Variants in TPTE observed in about 807,000 individuals in gnomAD.
TPTE encodes the protein putative tyrosine-protein phosphatase TPTE.
TPTE carries 59 observed loss-of-function variants against 84.1 expected under a neutral mutation model. That is an observed-to-expected ratio of 0.70 (90% CI 0.57 to 0.87). TPTE has a LOEUF of 0.87. Ranked by LOEUF, TPTE falls within the 40% of genes least tolerant of loss-of-function variation. TPTE has a pLI of 0.00. For synonymous variants in TPTE, 130 were observed against 223.5 expected, an observed-to-expected ratio of 0.58 and a Z score of 3.73; for missense variants, 382 against 659.6, an observed-to-expected ratio of 0.58 and a Z score of 4.61.
intron 14 of TPTE, among the ~76,000 whole-genome samples, chr21:10,570,951 AC>A (rs1235034099): frequency 1.3e-5 from 2 of 152,296 alleles, no homozygotes; most frequent in East Asian, 1.9e-4. Flanking sequence ...TGCTAAATGC[AC>A]CCCCCAAGGC....
intron 10 of TPTE, among the ~76,000 whole-genome samples, chr21:10,565,889 C>A (rs925707186): frequency 6.6e-6 from 1 of 152,306 alleles, no homozygotes; most frequent in Admixed American, 6.5e-5. Context: ...TCTAAGACCT[C>A]AATGAAACAA....
At chr21:10,525,153 C>T (rs1189008762) in intron 2 of TPTE, among the ~76,000 whole-genome samples, 7 of 152,308 alleles carry the variant, frequency 4.6e-5, no homozygotes, top group Non-Finnish European at 8.8e-5. Flanking sequence ...TCAATTAACA[C>T]CTGAAACATT....
At chr21:10,605,333 C>T in intron 23 of TPTE, 84 bp from the exon 24 acceptor site, 16 of 1,510,546 alleles carry the variant, frequency 1.1e-5, no homozygotes, top group Middle Eastern at 1.9e-4. Flanking sequence ...TTTTTTGTTT[C>T]TTCCAGCTCT....
chr21:10,560,110 C>T (rs1459859969), intron 9 of TPTE, among the ~76,000 whole-genome samples: 2 of 152,304 alleles, frequency 1.3e-5, no homozygotes, highest in Non-Finnish European at 2.9e-5. Flanking sequence ...TGGCTTTTGC[C>T]TAAGATTAAT....
At chr21:10,603,765 T>G in intron 23 of TPTE, 133 bp downstream of exon 23, 1 of 1,150,700 alleles carries the variant, frequency 8.7e-7, no homozygotes. Context: ...CCACCATTGT[T>G]CCTTGCCTTA....
At chr21:10,546,908 C>T (rs1281789069) in intron 7 of TPTE, among the ~76,000 whole-genome samples, 1 of 152,308 alleles carries the variant, frequency 6.6e-6, no homozygotes, top group African/African-American at 2.4e-5. Context: ...GAAGCAGCAG[C>T]AAGTTATCCA....
At chr21:10,567,314 GAA>G (rs1196351342) in intron 10 of TPTE, among the ~76,000 whole-genome samples, 47 of 152,378 alleles carry the variant, frequency 3.1e-4, no homozygotes, top group Admixed American at 5.2e-4. Context: ...TTAAATGACT[GAA>G]AGAGTGTAAT....
At chr21:10,585,669 T>A (rs2075351292) in intron 17 of TPTE, among the ~76,000 whole-genome samples, 1 of 152,422 alleles carries the variant, frequency 6.6e-6, no homozygotes, top group South Asian at 2.1e-4. Context: ...TGCATGCTGA[T>A]TTTTTTCCTT....
chr21:10,562,765 C>G (rs545746433), intron 10 of TPTE, among the ~76,000 whole-genome samples: 2 of 152,424 alleles, frequency 1.3e-5, no homozygotes, highest in Admixed American at 1.3e-4. Context: ...CCTACAGGAT[C>G]TAGAAAATAG....
intron 4 of TPTE, chr21:10,540,821 T>C (rs1040897297): frequency 1.8e-6 from 1 of 556,824 alleles, no homozygotes; most frequent in Non-Finnish European, 3.5e-6. Flanking sequence ...AGGAACTAAA[T>C]TTGAACTAGA....
In TPTE at chr21:10,542,463, GT is replaced by G; in HGVS notation, c.119+17del. The stretch of plus-strand genomic sequence containing the variant: ...GCGAAAGAAAGGTGAGCAATAAATA[GT>G]TAAAGTCACCCGTCAGCATAAGTGT... On this transcript the variant is annotated intron_variant, in intron 6 of 23. Transcript: ENST00000618007. 6.2e-7 allele frequency: 1 copy of G among 1,609,390 alleles called. No homozygotes were observed. Among genetic ancestry groups the G allele is most frequent in the Non-Finnish European group, 8.5e-7 (1 of 1,176,894 alleles).
chr21:10,555,846 TC>T, intron 8 of TPTE, among the ~76,000 whole-genome samples: 1 of 152,310 alleles, frequency 6.6e-6, no homozygotes. Context: ...TACCATTTTT[TC>T]CATCAATATC....
chr21:10,602,691 G>A (rs1463089071), intron 22 of TPTE: 1 of 518,070 alleles, frequency 1.9e-6, no homozygotes, highest in Non-Finnish European at 3.9e-6. Context: ...AGAGAAGGCA[G>A]CACAATACAA....
intron 9 of TPTE, among the ~76,000 whole-genome samples, chr21:10,559,793 G>A (rs1367538440): frequency 3.3e-5 from 5 of 151,572 alleles, no homozygotes; most frequent in African/African-American, 4.9e-5. Flanking sequence ...AGAATCGCTT[G>A]AACCGAGGAG....
chr21:10,580,973 A>T (rs1713460874), intron 17 of TPTE, among the ~76,000 whole-genome samples: 1 of 152,310 alleles, frequency 6.6e-6, no homozygotes, highest in Admixed American at 6.5e-5. Flanking sequence ...ATTTTGACAA[A>T]CATAAATAAT....
chr21:10,589,636 G>C (rs574016106), intron 17 of TPTE, among the ~76,000 whole-genome samples: 2 of 152,308 alleles, frequency 1.3e-5, no homozygotes, highest in Non-Finnish European at 2.9e-5. Context: ...GAGCTCCAAG[G>C]CTTGGGAGAA....
intron 5 of TPTE, among the ~76,000 whole-genome samples, chr21:10,541,476 A>G (rs1335251217): frequency 6.6e-6 from 1 of 152,074 alleles, no homozygotes; most frequent in Non-Finnish European, 1.5e-5. Flanking sequence ...TGTTGCAAAA[A>G]TGAAAAAAAA....
chr21:10,539,231 C>T (rs1309730287), intron 4 of TPTE, among the ~76,000 whole-genome samples: 4 of 152,310 alleles, frequency 2.6e-5, no homozygotes, highest in African/African-American at 9.6e-5. Flanking sequence ...TGACAAGGAG[C>T]AGTGAAGCCC....
chr21:10,536,090 C>A (rs1200547054), intron 3 of TPTE, among the ~76,000 whole-genome samples: 4 of 152,430 alleles, frequency 2.6e-5, no homozygotes, highest in Non-Finnish European at 5.9e-5. Context: ...CCAGCCTGAC[C>A]AACATGGCAA....
Sources: allele counts gnomAD v4.1 joint callset (sites outside exome capture counted in the v4.1 genomes callset), GRCh38; gene constraint gnomAD v4.1.1; transcripts MANE v1.5; gene names NCBI Gene and HGNC (gene_info 2026-07-23, HGNC 2026-07-21).